Variants in CRNKL1 observed in about 807,000 individuals in gnomAD.
CRNKL1 encodes the protein crooked neck pre-mRNA splicing factor 1.
In CRNKL1, 35 loss-of-function variants were observed where a neutral mutation model predicts 103.7. The observed-to-expected ratio is 0.34, with a 90% CI of 0.26 to 0.45. The LOEUF (loss-of-function observed/expected upper bound fraction) is 0.45, where lower values mean the gene tolerates loss of function less well. Ranked by LOEUF, CRNKL1 falls within the 20% of genes least tolerant of loss-of-function variation. The probability of loss-of-function intolerance (pLI) is 1.00; values close to 1 mark genes in which losing one functional copy is unlikely to be tolerated. For synonymous variants in CRNKL1, 267 were observed against 282.6 expected (o/e 0.94, Z 0.55); for missense variants, 645 against 836.0 (o/e 0.77, Z 2.82).
At chr20:20,049,204 T>C in intron 3 of CRNKL1, 136 bp downstream of exon 3, 2 of 575,048 alleles carry the variant, frequency 3.5e-6, no homozygotes, top group South Asian at 4.5e-5. Flanking sequence ...AACCCTAGGG[T>C]TCCATGGAAC....
intron 7 of CRNKL1, among the ~76,000 whole-genome samples, chr20:20,042,858 G>A (rs6035530): frequency 0.16 from 23,959 of 152,134 alleles, 3,702 homozygotes; most frequent in East Asian, 0.6. Context: ...CAACAGAATC[G>A]TATCATGCTC....
Position 20,047,884 on chromosome 20 carries a change from GCA to G in CRNKL1, c.501_502del (p.Ala168ProfsTer5). Reference sequence around the variant, plus strand: ...CATCCAGCGCTCAAACACCTGCCGGGCACCGGCAACGTTTCCCAACATTTCCT... The same window carrying G: ...CATCCAGCGCTCAAACACCTGCCGGGCCGGCAACGTTTCCCAACATTTCCT... On this transcript the variant is annotated frameshift_variant, in exon 5 of 14. Coordinates refer to ENST00000536226, the MANE Select transcript of CRNKL1 (RefSeq NM_001278628.2). LOFTEE classifies it high-confidence loss of function. The G allele has an allele frequency of 6.2e-7, 1 of 1,614,226 alleles. No individual in the cohort carries two copies. Among genetic ancestry groups the G allele is most frequent in the Admixed American group, 1.7e-5 (1 of 60,034 alleles).
Position 20,035,647 on chromosome 20 carries a change from A to G in CRNKL1, c.*548T>C, listed in dbSNP as rs1281750236. Reference sequence around the variant, plus strand: ...ATTCAATTCTACAAGGAATGAAACCATTTTTAAAAGTGGCTTAGAACAAAC... The same window carrying G: ...ATTCAATTCTACAAGGAATGAAACCGTTTTTAAAAGTGGCTTAGAACAAAC... On this transcript the variant is annotated 3_prime_UTR_variant, in exon 14 of 14. Coordinates refer to ENST00000536226, the MANE Select transcript of CRNKL1 (RefSeq NM_001278628.2). The G allele has an allele frequency of 6.6e-6, 1 of 152,310 alleles. No individual in the cohort carries two copies. The highest frequency in any genetic ancestry group is 2.4e-5 in the African/African-American group (1 of 41,460). 9.4% of individuals were successfully genotyped at this position (152,310 alleles called of 1,614,324 possible). A position where few individuals can be genotyped will look rare whatever the true frequency, so the allele number is the denominator to read the frequency against.
At chr20:20,047,287 T>A (rs1351677540) in intron 5 of CRNKL1, among the ~76,000 whole-genome samples, 2 of 152,170 alleles carry the variant, frequency 1.3e-5, no homozygotes, top group Non-Finnish European at 1.5e-5. Context: ...GAACATGTCG[T>A]TTTTTTGCTT....
Position 20,048,452 on chromosome 20 carries a change from T to C in CRNKL1, c.346A>G (p.Thr116Ala). Residue 116 changes from threonine to alanine, a missense_variant, in exon 4 of 14, where the codon ACA becomes GCA. Physicochemically the swap from Thr to Ala is moderately conservative, Grantham distance 58. This residue lies in a region of CRNKL1 where 582 missense variants were observed against 707.7 expected (regional missense o/e 0.82). Coordinates refer to ENST00000536226, the MANE Select transcript of CRNKL1 (RefSeq NM_001278628.2). ...ATTTCTGCGTATTTCAGCCAGAGTG[T>C]AATATTTCGGTAGTCTACATCTAAA... ...RALDVDYRNI[T>A]LWLKYAEMEM... 1 of 1,614,200 alleles carries C rather than the reference T, an allele frequency of 6.2e-7. No homozygotes were observed. The highest frequency in any genetic ancestry group is 8.5e-7 in the Non-Finnish European group (1 of 1,180,042).
At chr20:20,041,478 C>T in intron 9 of CRNKL1, 88 bp downstream of exon 9, 1 of 1,049,550 alleles carries the variant, frequency 9.5e-7, no homozygotes, top group Non-Finnish European at 1.5e-6. Flanking sequence ...AGCATTTTAT[C>T]AATCAATATT....
intron 1 of CRNKL1, among the ~76,000 whole-genome samples, chr20:20,050,980 T>C (rs1187111799): frequency 1.3e-5 from 2 of 152,220 alleles, no homozygotes; most frequent in Non-Finnish European, 2.9e-5. Context: ...ATTAACAGCA[T>C]TACAACCTGC....
At chr20:20,050,364 CACTT>C (rs2043668702) in intron 2 of CRNKL1, 102 bp downstream of exon 2, 4 of 946,902 alleles carry the variant, frequency 4.2e-6, no homozygotes, top group African/African-American at 3.3e-5. Context: ...CGTCTGGAAA[CACTT>C]AACCTCATCT....
intron 13 of CRNKL1, 69 bp downstream of exon 13, chr20:20,037,254 A>G (rs1342155125): frequency 6.5e-7 from 1 of 1,544,546 alleles, no homozygotes; most frequent in African/African-American, 1.4e-5. Flanking sequence ...TTAAAAGTCC[A>G]CATTTCGACG....
intron 1 of CRNKL1, among the ~76,000 whole-genome samples, chr20:20,051,803 G>A (rs1012069469): frequency 2.0e-5 from 3 of 152,130 alleles, no homozygotes; most frequent in Admixed American, 2.0e-4. Context: ...CTCGCCCTCC[G>A]CTGTCAGCTG....
chr20:20,037,731 C>T (rs1273806017), intron 12 of CRNKL1, among the ~76,000 whole-genome samples, 160 bp from the exon 13 acceptor site: 2 of 152,068 alleles, frequency 1.3e-5, no homozygotes, highest in African/African-American at 4.8e-5. Flanking sequence ...TCAATATAAA[C>T]ACTGAAAATA....
At chr20:20,054,549 G>A (rs944060499), upstream of CRNKL1, among the ~76,000 whole-genome samples, 2 of 152,196 alleles carry the variant, frequency 1.3e-5, no homozygotes, top group Non-Finnish European at 2.9e-5. Flanking sequence ...GTGTATGTAA[G>A]TAAAATTTTG....
chr20:20,037,602 A>G, intron 12 of CRNKL1, 31 bp from the exon 13 acceptor site: 1 of 1,600,372 alleles, frequency 6.2e-7, no homozygotes, highest in Admixed American at 1.7e-5. Flanking sequence ...GAACCAAATT[A>G]ACCATATCAC....
At chr20:20,038,128 A>G (rs1162317265) in intron 12 of CRNKL1, among the ~76,000 whole-genome samples, 1 of 151,776 alleles carries the variant, frequency 6.6e-6, no homozygotes, top group Non-Finnish European at 1.5e-5. Flanking sequence ...ATCTTGTGAT[A>G]CCCAAGCTAC....
intron 7 of CRNKL1, among the ~76,000 whole-genome samples, chr20:20,043,182 C>T (rs1048242986): frequency 5.9e-5 from 9 of 152,184 alleles, no homozygotes; most frequent in African/African-American, 1.7e-4. Context: ...CTGACTCTTC[C>T]ACCTTCTTCC....
intron 11 of CRNKL1, among the ~76,000 whole-genome samples, chr20:20,039,033 G>A (rs1479806867): frequency 6.6e-6 from 1 of 152,180 alleles, no homozygotes; most frequent in Non-Finnish European, 1.5e-5. Flanking sequence ...ATGCAATCAG[G>A]GGGCCAAACC....
At chr20:20,040,653 T>C in intron 10 of CRNKL1, 33 bp downstream of exon 10, 1 of 1,491,496 alleles carries the variant, frequency 6.7e-7, no homozygotes, top group Non-Finnish European at 9.3e-7. Context: ...CTCATAGAAC[T>C]TGATGAGACA....
chr20:20,051,908 C>T (rs1428959120), intron 1 of CRNKL1, among the ~76,000 whole-genome samples: 2 of 152,170 alleles, frequency 1.3e-5, no homozygotes, highest in African/African-American at 2.4e-5. Flanking sequence ...CCCTTATTCA[C>T]GCCCATGGCA....
intron 9 of CRNKL1, 97 bp downstream of exon 9, chr20:20,041,469 G>T: frequency 1.0e-6 from 1 of 979,468 alleles, no homozygotes; most frequent in Non-Finnish European, 1.6e-6. Flanking sequence ...GGACAGGGAA[G>T]CATTTTATCA....
Sources: allele counts gnomAD v4.1 joint callset (sites outside exome capture counted in the v4.1 genomes callset), GRCh38; gene constraint gnomAD v4.1.1; regional missense constraint gnomAD v4.1.1; transcripts MANE v1.5; gene names NCBI Gene and HGNC (gene_info 2026-07-23, HGNC 2026-07-21).